PIGN: variants seen among roughly 807,000 people sequenced by gnomAD.
PIGN encodes phosphatidylinositol glycan anchor biosynthesis class N, also known as GPI ethanolamine phosphate transferase 1.
PIGN carries 117 observed loss-of-function variants against 125.4 expected under a neutral mutation model. The observed-to-expected ratio is 0.93, with a 90% CI of 0.80 to 1.09. The LOEUF is 1.09. Ranked by LOEUF, PIGN falls within the 50% of genes least tolerant of loss-of-function variation. The pLI, the probability that PIGN is intolerant of heterozygous loss-of-function variation, is 0.00. For synonymous variants in PIGN, 392 were observed against 377.8 expected (o/e 1.04, Z -0.44); for missense variants, 1,075 against 1,094.9 (o/e 0.98, Z 0.26).
intron 14 of PIGN, among the ~76,000 whole-genome samples, chr18:62,125,092 G>GTA (rs897560933): frequency 4.7e-5 from 7 of 147,880 alleles, no homozygotes; most frequent in East Asian, 2.1e-4. Context: ...GTACATACAT[G>GTA]TATATATACA....
chr18:62,067,530 G>A (rs961919150), intron 30 of PIGN, among the ~76,000 whole-genome samples: 1 of 152,126 alleles, frequency 6.6e-6, no homozygotes, highest in African/African-American at 2.4e-5. Flanking sequence ...AACTTTCTGT[G>A]ACTATAGTTT....
intron 4 of PIGN, among the ~76,000 whole-genome samples, chr18:62,159,115 G>T (rs1464766207): frequency 6.6e-6 from 1 of 152,080 alleles, no homozygotes; most frequent in Admixed American, 6.5e-5. Context: ...GTGGTGGCAC[G>T]TGCCTGTAAT....
intron 29 of PIGN, among the ~76,000 whole-genome samples, 173 bp downstream of exon 29, chr18:62,074,606 C>G (rs1293002412): frequency 6.6e-6 from 1 of 152,158 alleles, no homozygotes; most frequent in African/African-American, 2.4e-5. Context: ...TGAAGAAGAG[C>G]ACACATCCTG....
At chr18:62,040,793 C>T (rs529040202), downstream of PIGN, among the ~76,000 whole-genome samples, 2 of 152,278 alleles carry the variant, frequency 1.3e-5, no homozygotes, top group Admixed American at 6.5e-5. Context: ...CAGGGATATT[C>T]GAGGTAACAG....
chr18:62,107,820 C>G (rs1174808122), intron 17 of PIGN, among the ~76,000 whole-genome samples: 1 of 152,060 alleles, frequency 6.6e-6, no homozygotes, highest in East Asian at 1.9e-4. Context: ...GGTAGGGTTT[C>G]CTAATCTAGT....
chr18:62,077,207 G>A (rs1392742339), intron 28 of PIGN, among the ~76,000 whole-genome samples: 13 of 152,080 alleles, frequency 8.5e-5, no homozygotes, highest in African/African-American at 1.9e-4. Flanking sequence ...GCGAAAACCC[G>A]GCTCTACTAA....
rs1171037729 is a variant in PIGN, at chr18:62,042,516, A to T, written c.*3340T>A. 1.3e-5 allele frequency: 2 copies of T among 152,194 alleles called. No individual in the cohort carries two copies. The highest frequency in any genetic ancestry group is 6.5e-5 in the Admixed American group (1 of 15,278). The allele number at this position is 152,194 out of a possible 1,614,324, so 9.4% of individuals were successfully genotyped here. On this transcript the variant is annotated 3_prime_UTR_variant, in exon 31 of 31. Coordinates refer to ENST00000640252, the MANE Select transcript of PIGN (RefSeq NM_176787.5). ...GTACCCAAGGAAATGAATAAGAGAC[A>T]CATCTCAAAGGTTCTTTTTGTTTCT...
At chr18:62,062,011 C>T (rs2032178741) in intron 30 of PIGN, among the ~76,000 whole-genome samples, 1 of 152,134 alleles carries the variant, frequency 6.6e-6, no homozygotes, top group Non-Finnish European at 1.5e-5. Flanking sequence ...TAGACCAGCA[C>T]CACATGGTTC....
intron 14 of PIGN, among the ~76,000 whole-genome samples, chr18:62,124,782 G>A (rs1456398428): frequency 6.6e-6 from 1 of 151,948 alleles, no homozygotes; most frequent in Non-Finnish European, 1.5e-5. Context: ...GGGAAAACAG[G>A]CAAAATTTAT....
At chr18:62,181,096 G>A (rs542483979) in intron 1 of PIGN, among the ~76,000 whole-genome samples, 1 of 152,210 alleles carries the variant, frequency 6.6e-6, no homozygotes, top group East Asian at 1.9e-4. Context: ...TGCTACTAGT[G>A]TAGAATTTAC....
intron 6 of PIGN, among the ~76,000 whole-genome samples, chr18:62,156,231 A>G (rs1332124720): frequency 6.6e-6 from 1 of 152,230 alleles, no homozygotes; most frequent in Non-Finnish European, 1.5e-5. Flanking sequence ...TTAAATATCA[A>G]TTTAAATAAA....
Position 62,050,171 on chromosome 18 carries a change from T to C in PIGN, c.2673-4192A>G, listed in dbSNP as rs985927898. Among the ~76,000 whole-genome samples the C allele has an allele frequency of 9.2e-5, 14 of 152,206 alleles. 2 individuals are homozygous for C. The highest frequency in any genetic ancestry group is 8.5e-4 in the Admixed American group (13 of 15,276). On this transcript the variant is annotated intron_variant, in intron 30 of 30. Transcript: ENST00000640252. ...TTTGTTCTTTTGGCTTAGGATTGACTTGGCGATGCGGGCTCCTTTTTGGTT... is the reference window on the plus strand; with the variant it reads ...TTTGTTCTTTTGGCTTAGGATTGACCTGGCGATGCGGGCTCCTTTTTGGTT...
chr18:62,098,029 C>T (rs2034282524), intron 22 of PIGN, among the ~76,000 whole-genome samples: 1 of 152,148 alleles, frequency 6.6e-6, no homozygotes, highest in East Asian at 1.9e-4. Context: ...AGGGCAAGTT[C>T]ATTAACTGAT....
At chr18:62,124,645 T>C (rs1314165988) in intron 14 of PIGN, among the ~76,000 whole-genome samples, 1 of 152,204 alleles carries the variant, frequency 6.6e-6, no homozygotes, top group Non-Finnish European at 1.5e-5. Flanking sequence ...AGGAGAGATA[T>C]GGCCCCTGCC....
At chr18:62,129,305 C>T (rs2035647719) in intron 14 of PIGN, among the ~76,000 whole-genome samples, 1 of 152,202 alleles carries the variant, frequency 6.6e-6, no homozygotes, top group South Asian at 2.1e-4. Flanking sequence ...TACTTTCCCA[C>T]CTTAAGTCCA....
chr18:62,079,908 C>T (rs985983112), intron 28 of PIGN, among the ~76,000 whole-genome samples: 12 of 151,544 alleles, frequency 7.9e-5, no homozygotes, highest in Non-Finnish European at 1.5e-4. Flanking sequence ...AATAGAGTAC[C>T]CACATAAAAA....
intron 4 of PIGN, among the ~76,000 whole-genome samples, chr18:62,159,800 C>A (rs2036875665): frequency 1.0e-5 from 1 of 97,482 alleles, no homozygotes; most frequent in South Asian, 3.7e-4. Flanking sequence ...ATGGAACTTT[C>A]ATGATGGAAG....
chr18:62,124,706 A>G (rs2035437537), intron 14 of PIGN, among the ~76,000 whole-genome samples: 1 of 152,180 alleles, frequency 6.6e-6, no homozygotes, highest in African/African-American at 2.4e-5. Context: ...CAGACATCAT[A>G]TGCCTTAGGG....
At chr18:62,163,889 G>A (rs1227826248) in intron 1 of PIGN, among the ~76,000 whole-genome samples, 1 of 152,072 alleles carries the variant, frequency 6.6e-6, no homozygotes, top group African/African-American at 2.4e-5. Context: ...ATTTCCATGG[G>A]TATAACTATT....
Sources: gnomAD v4.1 joint callset for allele counts (sites outside exome capture counted in the v4.1 genomes callset) on GRCh38, gnomAD v4.1.1 for gene constraint, MANE v1.5 for transcripts, NCBI Gene and HGNC (gene_info 2026-07-23, HGNC 2026-07-21) for gene names.